OPCML: variants seen among roughly 807,000 people sequenced by gnomAD.
The protein encoded by OPCML is opioid-binding protein/cell adhesion molecule.
Under a neutral mutation model 37.8 loss-of-function variants are expected in OPCML, and 13 were observed. That is an observed-to-expected ratio of 0.34 (90% CI 0.22 to 0.55). OPCML has a LOEUF of 0.55. OPCML is among the 20% of genes least tolerant of loss of function. The pLI is 0.91. For missense variants in OPCML, 341 were observed against 435.6 expected (o/e 0.78, Z 1.93); for synonymous variants, 176 against 168.8 (o/e 1.04, Z -0.33).
intron 4 of OPCML, among the ~76,000 whole-genome samples, chr11:132,528,104 TCA>T (rs372934893): frequency 1.3e-3 from 202 of 152,298 alleles, no homozygotes; most frequent in Non-Finnish European, 2.0e-3. Flanking sequence ...GTTATTTAAA[TCA>T]CACAGTTTTG....
intron 1 of OPCML, among the ~76,000 whole-genome samples, chr11:133,436,686 A>G (rs1946240179): frequency 6.6e-6 from 1 of 152,198 alleles, no homozygotes; most frequent in African/African-American, 2.4e-5. Flanking sequence ...GCCCAGTTCC[A>G]CTGCTTACTA....
At chr11:133,491,082 C>T (rs1195034081) in intron 1 of OPCML, among the ~76,000 whole-genome samples, 1 of 152,138 alleles carries the variant, frequency 6.6e-6, no homozygotes, top group African/African-American at 2.4e-5. Flanking sequence ...AATGAGAAGT[C>T]AGCAGTGTGA....
At chr11:132,868,985 G>C (rs11820444) in intron 2 of OPCML, among the ~76,000 whole-genome samples, 2 of 152,088 alleles carry the variant, frequency 1.3e-5, no homozygotes, top group Non-Finnish European at 2.9e-5. Flanking sequence ...TGTGGGGAAC[G>C]TGGCCTGTTC....
intron 3 of OPCML, among the ~76,000 whole-genome samples, chr11:132,597,107 T>C (rs528545107): frequency 6.6e-6 from 1 of 152,332 alleles, no homozygotes; most frequent in African/African-American, 2.4e-5. Context: ...TACAGTGTGA[T>C]AACATTTAAA....
chr11:133,042,034 C>A (rs555553344), intron 1 of OPCML, among the ~76,000 whole-genome samples: 42 of 152,202 alleles, frequency 2.8e-4, no homozygotes, highest in African/African-American at 9.6e-4. Context: ...GCATGCCGTG[C>A]AGAGCTGGGG....
chr11:132,735,640 C>G (rs930343296), intron 2 of OPCML, among the ~76,000 whole-genome samples: 2 of 152,012 alleles, frequency 1.3e-5, no homozygotes, highest in Admixed American at 6.6e-5. Flanking sequence ...CCCACCACTA[C>G]GCCCGACTAA....
At position 132,716,065 on chromosome 11, in the gene OPCML, A is replaced by T. The variant is rs141098700; in HGVS notation, c.147-58746T>A. Among the ~76,000 whole-genome samples, 1,388 of 152,352 alleles carry T rather than the reference A, an allele frequency of 9.1e-3. 10 individuals are homozygous for T. The highest frequency in any genetic ancestry group is 0.031 in the African/African-American group (1,292 of 41,582). On this transcript the variant is annotated intron_variant, in intron 2 of 7. Coordinates refer to ENST00000524381, the MANE Select transcript of OPCML (RefSeq NM_001012393.5). ...AGCACAAGATATACTTTCTAACACC[A>T]AATACAATTTATCACCAAAGGAAAG... is the stretch of plus-strand genomic sequence containing the variant.
chr11:133,140,873 A>ACGAAGG, intron 1 of OPCML, among the ~76,000 whole-genome samples: 1 of 49,970 alleles, frequency 2.0e-5, no homozygotes, highest in Non-Finnish European at 5.8e-5. Flanking sequence ...GACGACGACG[A>ACGAAGG]AGAAGACGAC....
chr11:133,281,755 T>A (rs546262034), intron 1 of OPCML, among the ~76,000 whole-genome samples: 11 of 152,076 alleles, frequency 7.2e-5, no homozygotes, highest in Admixed American at 5.9e-4. Context: ...AAAATGCCGG[T>A]AGAAATATGG....
intron 1 of OPCML, among the ~76,000 whole-genome samples, chr11:133,032,818 A>AT (rs1229046387): frequency 6.6e-6 from 1 of 152,024 alleles, no homozygotes; most frequent in African/African-American, 2.4e-5. Flanking sequence ...TAATACAAAC[A>AT]TTTTTTCTAC....
chr11:132,908,393 A>T (rs997100694), intron 2 of OPCML, among the ~76,000 whole-genome samples: 10 of 152,174 alleles, frequency 6.6e-5, no homozygotes, highest in African/African-American at 2.4e-4. Context: ...TAGCTGTTTA[A>T]CTCTGAGCAG....
At chr11:132,844,839 C>T (rs1378261322) in intron 2 of OPCML, among the ~76,000 whole-genome samples, 1 of 151,296 alleles carries the variant, frequency 6.6e-6, no homozygotes, top group Non-Finnish European at 1.5e-5. Flanking sequence ...TCACTGCACA[C>T]TATAAGTGGA....
chr11:132,803,758 G>C (rs139452753), intron 2 of OPCML, among the ~76,000 whole-genome samples: 126 of 152,276 alleles, frequency 8.3e-4, no homozygotes, highest in African/African-American at 2.9e-3. Context: ...TAACTTTATA[G>C]ATATATAAAC....
chr11:132,931,533 A>T (rs1945201632), intron 2 of OPCML, among the ~76,000 whole-genome samples: 1 of 152,208 alleles, frequency 6.6e-6, no homozygotes, highest in Admixed American at 6.5e-5. Context: ...CCAAAGAAGG[A>T]TATACAAATG....
chr11:133,394,563 AC>A (rs2136820676), intron 1 of OPCML, among the ~76,000 whole-genome samples: 1 of 151,960 alleles, frequency 6.6e-6, no homozygotes, highest in Admixed American at 6.6e-5. Context: ...TCTCCCCACT[AC>A]CCTTCCCATG....
At chr11:133,484,044 AG>A (rs1198798832) in intron 1 of OPCML, among the ~76,000 whole-genome samples, 1 of 139,592 alleles carries the variant, frequency 7.2e-6, no homozygotes, top group Non-Finnish European at 1.6e-5. Context: ...ATAGATAGAT[AG>A]ATAGATAGAT....
intron 4 of OPCML, among the ~76,000 whole-genome samples, chr11:132,527,257 A>C (rs2137281081): frequency 6.6e-6 from 1 of 152,302 alleles, no homozygotes; most frequent in East Asian, 1.9e-4. Context: ...TAGGAGTGGA[A>C]TTGCTGGGTC....
At chr11:133,298,957 T>A (rs1942706806) in intron 1 of OPCML, 1 of 151,688 alleles carries the variant, frequency 6.6e-6, no homozygotes, top group Non-Finnish European at 1.5e-5. Context: ...ATTATTTGAC[T>A]AGAGAAGGAA....
At chr11:133,116,144 T>G (rs1269374739) in intron 1 of OPCML, among the ~76,000 whole-genome samples, 1 of 152,134 alleles carries the variant, frequency 6.6e-6, no homozygotes, top group East Asian at 1.9e-4. Context: ...AATTTTTGTA[T>G]TTTTAGTAGA....
Sources: allele counts gnomAD v4.1 joint callset (sites outside exome capture counted in the v4.1 genomes callset), GRCh38; gene constraint gnomAD v4.1.1; transcripts MANE v1.5; gene names NCBI Gene and HGNC (gene_info 2026-07-23, HGNC 2026-07-21).